The following DTNB variants were observed in gnomAD, a reference collection of about 807,000 sequenced individuals.
DTNB encodes DTN-B.
In DTNB, 63 loss-of-function variants were observed where a neutral mutation model predicts 90.7. That is an observed-to-expected ratio of 0.69 (90% CI 0.57 to 0.86). DTNB has a LOEUF of 0.86. Among genes scored for constraint, DTNB ranks in the 40% least tolerant of loss-of-function variants. DTNB has a pLI of 0.00. For missense variants in DTNB, 744 were observed against 807.1 expected (o/e 0.92, Z 0.95); for synonymous variants, 277 against 286.7 (o/e 0.97, Z 0.34).
chr2:25,549,457 T>G (rs2083133859), intron 8 of DTNB, among the ~76,000 whole-genome samples: 1 of 152,174 alleles, frequency 6.6e-6, no homozygotes, highest in South Asian at 2.1e-4. Flanking sequence ...AAATAATATT[T>G]TCTTACAAGT....
intron 5 of DTNB, among the ~76,000 whole-genome samples, chr2:25,604,646 G>A (rs1320493448): frequency 6.6e-6 from 1 of 152,110 alleles, no homozygotes; most frequent in Non-Finnish European, 1.5e-5. Context: ...AGGCTAGAGT[G>A]CAGTGGCATG....
intron 1 of DTNB, 151 bp from the exon 2 acceptor site, chr2:25,652,812 G>A: frequency 1.6e-6 from 1 of 621,272 alleles, no homozygotes; most frequent in Non-Finnish European, 2.6e-6. Context: ...GCCTGATTCA[G>A]AAAAAGATAA....
Position 25,455,499 on chromosome 2 carries a change from GA to G in DTNB, c.1080-6del, listed in dbSNP as rs751943036. 4 of 1,601,698 alleles carry G rather than the reference GA, an allele frequency of 2.5e-6. No homozygotes were observed. The South Asian group carries it at 3.4e-5, about 14-fold the overall frequency. On this transcript the variant is annotated splice_polypyrimidine_tract_variant and splice_region_variant and intron_variant, in intron 10 of 20. Transcript: ENST00000406818. Reference sequence around the variant, plus strand: ...ATATCCTGGCTATACTGTAACCTAGGAACAATGGAGGCAAAGACAGCAAGCG... The same window carrying G: ...ATATCCTGGCTATACTGTAACCTAGGACAATGGAGGCAAAGACAGCAAGCG...
intron 8 of DTNB, among the ~76,000 whole-genome samples, chr2:25,544,861 C>T (rs1413646888): frequency 6.6e-6 from 1 of 152,220 alleles, no homozygotes; most frequent in East Asian, 1.9e-4. Flanking sequence ...CTTCTTGCCT[C>T]AAATTATTTT....
chr2:25,650,176 ACT>A (rs1440118974), intron 2 of DTNB: 1 of 985,348 alleles, frequency 1.0e-6, no homozygotes, highest in African/African-American at 1.7e-5. Context: ...CATGCGTATT[ACT>A]TAAGGCACCC....
intron 19 of DTNB, among the ~76,000 whole-genome samples, chr2:25,381,852 T>A (rs1471490481): frequency 3.9e-5 from 6 of 152,198 alleles, no homozygotes; most frequent in African/African-American, 1.4e-4. Flanking sequence ...GCTGACAAAT[T>A]CCTTGCCCCG....
chr2:25,548,536 C>T (rs1486009739), intron 8 of DTNB, among the ~76,000 whole-genome samples: 4 of 151,828 alleles, frequency 2.6e-5, no homozygotes, highest in Non-Finnish European at 4.4e-5. Flanking sequence ...AATGGGCTCT[C>T]CAAGCAAAAG....
chr2:25,625,927 C>T (rs1049190463), intron 4 of DTNB, among the ~76,000 whole-genome samples: 7 of 152,050 alleles, frequency 4.6e-5, no homozygotes, highest in Admixed American at 2.0e-4. Context: ...AAGAGGTTCC[C>T]GAGAACTCCT....
intron 2 of DTNB, among the ~76,000 whole-genome samples, chr2:25,648,221 C>A (rs1212614944): frequency 6.6e-6 from 1 of 152,144 alleles, no homozygotes; most frequent in Non-Finnish European, 1.5e-5. Flanking sequence ...GAATCATAAA[C>A]TACCCATTTA....
chr2:25,662,881 T>G (rs536581716), intron 1 of DTNB, among the ~76,000 whole-genome samples: 1 of 152,166 alleles, frequency 6.6e-6, no homozygotes, highest in Non-Finnish European at 1.5e-5. Context: ...TGTGCTCCAT[T>G]TACTTAAGTG....
At chr2:25,643,750 A>C (rs2078856495) in intron 2 of DTNB, among the ~76,000 whole-genome samples, 1 of 152,178 alleles carries the variant, frequency 6.6e-6, no homozygotes, top group Non-Finnish European at 1.5e-5. Flanking sequence ...AGCCAATCTA[A>C]TCTGTCAGAG....
chr2:25,514,001 GA>G (rs35960444), intron 9 of DTNB, among the ~76,000 whole-genome samples: 33,250 of 126,778 alleles, frequency 0.26, 4,257 homozygotes, highest in Non-Finnish European at 0.33. Context: ...GTTTGGTGGG[GA>G]AAAAAAAAAA....
At chr2:25,580,035 G>A (rs2061329909) in intron 7 of DTNB, among the ~76,000 whole-genome samples, 1 of 129,708 alleles carries the variant, frequency 7.7e-6, no homozygotes, top group African/African-American at 3.0e-5. Flanking sequence ...CAGGCTGGAT[G>A]CAGTGGTGCG....
chr2:25,399,014 T>C (rs529115881), intron 16 of DTNB, among the ~76,000 whole-genome samples: 2 of 152,326 alleles, frequency 1.3e-5, no homozygotes, highest in South Asian at 4.1e-4. Context: ...CTGGAGCAGG[T>C]AGTAATCTCC....
intron 8 of DTNB, among the ~76,000 whole-genome samples, chr2:25,536,193 G>A (rs1025814995): frequency 6.1e-5 from 9 of 148,586 alleles, no homozygotes; most frequent in African/African-American, 9.9e-5. Flanking sequence ...GGTGGCGGCC[G>A]GGCAGAGGCA....
intron 9 of DTNB, among the ~76,000 whole-genome samples, chr2:25,514,276 G>T (rs1048636303): frequency 6.6e-6 from 1 of 152,152 alleles, no homozygotes; most frequent in Non-Finnish European, 1.5e-5. Flanking sequence ...ATCAGGCAAA[G>T]GAACCAGTAG....
At chr2:25,404,484 C>T (rs1195811630) in intron 16 of DTNB, among the ~76,000 whole-genome samples, 2 of 152,006 alleles carry the variant, frequency 1.3e-5, no homozygotes, top group Non-Finnish European at 2.9e-5. Flanking sequence ...GCAGGGAAGA[C>T]CTGTAGCAGG....
At chr2:25,635,251 G>A (rs1219034601) in intron 3 of DTNB, among the ~76,000 whole-genome samples, 1 of 151,834 alleles carries the variant, frequency 6.6e-6, no homozygotes, top group African/African-American at 2.4e-5. Context: ...TGGACAACAT[G>A]GCGAAACTGT....
intron 12 of DTNB, among the ~76,000 whole-genome samples, chr2:25,437,596 A>C (rs1202304486): frequency 6.6e-6 from 1 of 151,988 alleles, no homozygotes; most frequent in Non-Finnish European, 1.5e-5. Flanking sequence ...AGTGCTCATT[A>C]AGAAGAAGAA....
Sources: allele counts gnomAD v4.1 joint callset (sites outside exome capture counted in the v4.1 genomes callset), GRCh38; gene constraint gnomAD v4.1.1; transcripts MANE v1.5; gene names NCBI Gene and HGNC (gene_info 2026-07-23, HGNC 2026-07-21).